Variants in PLXDC2 observed in about 807,000 individuals in gnomAD.
PLXDC2 encodes the protein plexin domain-containing protein 2.
Under a neutral mutation model 68.9 loss-of-function variants are expected in PLXDC2, and 40 were observed. That is an observed-to-expected ratio of 0.58 (90% CI 0.45 to 0.76). The LOEUF (loss-of-function observed/expected upper bound fraction) is 0.76. Among genes scored for constraint, PLXDC2 ranks in the 30% least tolerant of loss-of-function variants. The pLI is 0.00. For missense variants in PLXDC2, 644 were observed against 661.9 expected, an observed-to-expected ratio of 0.97 and a Z score of 0.30; for synonymous variants, 243 against 234.2, an observed-to-expected ratio of 1.04 and a Z score of -0.34.
intron 13 of PLXDC2, among the ~76,000 whole-genome samples, chr10:20,259,972 A>G (rs545465326): frequency 5.9e-5 from 9 of 152,208 alleles, no homozygotes; most frequent in Non-Finnish European, 1.3e-4. Flanking sequence ...GGGGAAGGGA[A>G]GGGAGTCGAG....
chr10:20,147,295 C>G (rs1460836235), intron 5 of PLXDC2, among the ~76,000 whole-genome samples: 1 of 152,030 alleles, frequency 6.6e-6, no homozygotes, highest in Admixed American at 6.5e-5. Flanking sequence ...GAGAAAATTC[C>G]CATTAGTGTT....
rs1259401150 is a variant in PLXDC2 at position 20,177,112 on chromosome 10, C to T, written c.979+18C>T. On this transcript the variant is annotated intron_variant, in intron 8 of 13. Coordinates refer to ENST00000377252, the MANE Select transcript of PLXDC2 (RefSeq NM_032812.9). ...ATTACCCAGTAAGCGAATATGTAAA[C>T]CTAGGTGGAAAACATGATTTCTAAA... 1.5e-5 allele frequency: 23 copies of T among 1,555,062 alleles called. No individual in the cohort carries two copies. The highest frequency in any genetic ancestry group is 2.0e-5 in the Non-Finnish European group (23 of 1,129,138).
intron 1 of PLXDC2, among the ~76,000 whole-genome samples, chr10:19,901,409 G>A (rs1018647605): frequency 2.6e-5 from 4 of 152,062 alleles, no homozygotes; most frequent in African/African-American, 9.7e-5. Flanking sequence ...GTTTTGATTT[G>A]CATTTCCCTG....
intron 1 of PLXDC2, among the ~76,000 whole-genome samples, chr10:19,931,655 G>A (rs1386839003): frequency 2.0e-5 from 3 of 152,112 alleles, no homozygotes; most frequent in Admixed American, 6.5e-5. Flanking sequence ...GCTACGCTCT[G>A]CAGAGTTCCA....
At chr10:19,857,840 A>C (rs1433221501) in intron 1 of PLXDC2, among the ~76,000 whole-genome samples, 1 of 152,212 alleles carries the variant, frequency 6.6e-6, no homozygotes, top group Non-Finnish European at 1.5e-5. Flanking sequence ...CCCAATTTAT[A>C]ATGAATCAAC....
intron 9 of PLXDC2, among the ~76,000 whole-genome samples, chr10:20,180,095 G>T (rs1834581499): frequency 6.6e-6 from 1 of 152,008 alleles, no homozygotes; most frequent in Non-Finnish European, 1.5e-5. Context: ...GGCGTAAGAA[G>T]AATGTAGAGG....
At chr10:20,244,044 G>A (rs997495292) in intron 12 of PLXDC2, among the ~76,000 whole-genome samples, 2 of 151,722 alleles carry the variant, frequency 1.3e-5, no homozygotes, top group Non-Finnish European at 2.9e-5. Flanking sequence ...GGGCCTGGAC[G>A]ACAGAGCGAG....
intron 1 of PLXDC2, among the ~76,000 whole-genome samples, chr10:19,956,953 C>A (rs1198293677): frequency 6.6e-6 from 1 of 152,142 alleles, no homozygotes; most frequent in African/African-American, 2.4e-5. Flanking sequence ...GGGAACAATT[C>A]TGTTTAATTA....
At chr10:20,092,020 A>G (rs937796847) in intron 4 of PLXDC2, among the ~76,000 whole-genome samples, 1 of 152,032 alleles carries the variant, frequency 6.6e-6, no homozygotes, top group Non-Finnish European at 1.5e-5. Context: ...TATACATCTA[A>G]TCCCAACCTT....
intron 2 of PLXDC2, among the ~76,000 whole-genome samples, chr10:20,003,954 G>A (rs1378014308): frequency 1.3e-5 from 2 of 152,092 alleles, no homozygotes; most frequent in African/African-American, 4.8e-5. Flanking sequence ...CTCATTGCGT[G>A]CTGGTACATT....
intron 2 of PLXDC2, among the ~76,000 whole-genome samples, chr10:20,017,865 C>A (rs918866355): frequency 6.6e-6 from 1 of 152,152 alleles, no homozygotes; most frequent in African/African-American, 2.4e-5. Context: ...AGACAGAAGA[C>A]CACATAGCAT....
intron 1 of PLXDC2, among the ~76,000 whole-genome samples, chr10:19,884,649 C>T (rs1242915277): frequency 1.3e-5 from 2 of 152,134 alleles, no homozygotes; most frequent in Non-Finnish European, 2.9e-5. Flanking sequence ...TGATGATTTC[C>T]AATTTCATCC....
chr10:20,211,703 T>A lies in PLXDC2; in HGVS notation c.1096T>A (p.Trp366Arg). 1 of 1,613,056 alleles carries A rather than the reference T, an allele frequency of 6.2e-7. No individual in the cohort carries two copies. The highest frequency in any genetic ancestry group is 2.2e-5 in the East Asian group (1 of 44,838). ...TGGATTTGATCGTCATCGGCAGGAC[T>A]GGGTGGACAGTGGATGCCCTGAAGA... ...SSGFDRHRQDWVDSGCPEESK... is the reference protein window; with the variant it reads ...SSGFDRHRQDRVDSGCPEESK... Residue 366 changes from tryptophan (W) to arginine (R), a missense_variant, in exon 10 of 14, where the codon TGG becomes AGG. Coordinates refer to ENST00000377252, the MANE Select transcript of PLXDC2 (RefSeq NM_032812.9).
intron 4 of PLXDC2, among the ~76,000 whole-genome samples, chr10:20,100,105 A>G (rs1385293374): frequency 1.3e-5 from 2 of 152,184 alleles, no homozygotes; most frequent in Non-Finnish European, 2.9e-5. Flanking sequence ...CCTTCTTGTC[A>G]CTACACAATA....
intron 12 of PLXDC2, among the ~76,000 whole-genome samples, chr10:20,233,772 C>CT (rs1472069237): frequency 6.6e-6 from 1 of 151,888 alleles, no homozygotes; most frequent in Non-Finnish European, 1.5e-5. Flanking sequence ...CATCCAGTGT[C>CT]TCAAAAAAAA....
chr10:19,818,501 G>T (rs982416703), intron 1 of PLXDC2, among the ~76,000 whole-genome samples: 1 of 152,034 alleles, frequency 6.6e-6, no homozygotes, highest in Non-Finnish European at 1.5e-5. Flanking sequence ...CTGACTCTGC[G>T]CTCTTATTTA....
chr10:20,188,389 ATAATAT>A (rs1200645617), intron 9 of PLXDC2, among the ~76,000 whole-genome samples: 3 of 151,844 alleles, frequency 2.0e-5, no homozygotes, highest in African/African-American at 7.2e-5. Flanking sequence ...ATTTCACAGC[ATAATAT>A]TAATATTAAT....
intron 6 of PLXDC2, 51 bp from the exon 7 acceptor site, chr10:20,164,417 C>A (rs765203630): frequency 7.1e-7 from 1 of 1,406,568 alleles, no homozygotes; most frequent in Non-Finnish European, 1.0e-6. Flanking sequence ...CCTTTCCTCC[C>A]TGTATGAAAT....
chr10:20,175,665 C>CA, intron 7 of PLXDC2, among the ~76,000 whole-genome samples: 1 of 152,128 alleles, frequency 6.6e-6, no homozygotes, highest in Non-Finnish European at 1.5e-5. Context: ...CCCATTTTTA[C>CA]AAAAAATAAG....
Sources: gnomAD v4.1 joint callset for allele counts (sites outside exome capture counted in the v4.1 genomes callset) on GRCh38, gnomAD v4.1.1 for gene constraint, MANE v1.5 for transcripts, NCBI Gene and HGNC (gene_info 2026-07-23, HGNC 2026-07-21) for gene names.